SFXN1: variants seen among roughly 807,000 people sequenced by gnomAD.
The protein encoded by SFXN1 is sideroflexin-1.
Under a neutral mutation model 39.5 loss-of-function variants are expected in SFXN1, and 32 were observed. That is an observed-to-expected ratio of 0.81 (90% CI 0.61 to 1.09). The LOEUF is 1.09. Ranked by LOEUF, SFXN1 falls within the 50% of genes least tolerant of loss-of-function variation. The pLI, the probability that SFXN1 is intolerant of heterozygous loss-of-function variation, is 0.00. For missense variants in SFXN1, 402 were observed against 407.1 expected (o/e 0.99, Z 0.11); for synonymous variants, 136 against 146.5 (o/e 0.93, Z 0.52).
At chr5:175,487,888 C>T (rs1759508222) in intron 1 of SFXN1, among the ~76,000 whole-genome samples, 1 of 152,176 alleles carries the variant, frequency 6.6e-6, no homozygotes, top group African/African-American at 2.4e-5. Flanking sequence ...CTTTCTCTCA[C>T]ATCCCACATC....
intron 2 of SFXN1, among the ~76,000 whole-genome samples, chr5:175,508,792 C>T (rs1208478976): frequency 1.3e-5 from 2 of 152,022 alleles, no homozygotes; most frequent in African/African-American, 4.8e-5. Flanking sequence ...CGGGTGCCAC[C>T]GCACCCGGCT....
At chr5:175,492,045 G>T in intron 1 of SFXN1, 50 bp from the exon 2 acceptor site, 1 of 1,413,610 alleles carries the variant, frequency 7.1e-7, no homozygotes, top group Non-Finnish European at 9.6e-7. Flanking sequence ...TTCTAAATAC[G>T]TAGTGACATT....
In SFXN1 at chr5:175,509,156, G is replaced by C; in HGVS notation, c.289G>C (p.Val97Leu). Residue 97 changes from valine (V) to leucine (L), a missense_variant, in exon 3 of 11, where the codon GTT becomes CTT. By Grantham distance (32) the Val-to-Leu change is conservative (BLOSUM62 1). Transcript: ENST00000321442. ...TTTGATAGGAAGAATGTCAGCCCAGGTTCCCATGAACATGACCATCACAGG... is the reference window on the plus strand; with the variant it reads ...TTTGATAGGAAGAATGTCAGCCCAGCTTCCCATGAACATGACCATCACAGG... ...MILIGRMSAQVPMNMTITGCM... is the reference protein window; with the variant it reads ...MILIGRMSAQLPMNMTITGCM... 2 of 1,613,526 alleles carry C rather than the reference G, an allele frequency of 1.2e-6. No homozygotes were observed. Among genetic ancestry groups the C allele is most frequent in the Non-Finnish European group, 1.7e-6 (2 of 1,179,802 alleles).
intron 7 of SFXN1, among the ~76,000 whole-genome samples, chr5:175,514,211 G>T (rs1760640802): frequency 6.6e-6 from 1 of 152,178 alleles, no homozygotes; most frequent in South Asian, 2.1e-4. Context: ...GCAGTGATGG[G>T]CTGGACCAGG....
chr5:175,482,689 C>G (rs1257751563), intron 1 of SFXN1, among the ~76,000 whole-genome samples: 1 of 152,162 alleles, frequency 6.6e-6, no homozygotes, highest in East Asian at 1.9e-4. Context: ...TTTGCTGATC[C>G]TACCAACTCT....
At chr5:175,512,908 T>C (rs1193616324) in intron 6 of SFXN1, among the ~76,000 whole-genome samples, 1 of 152,220 alleles carries the variant, frequency 6.6e-6, no homozygotes, top group African/African-American at 2.4e-5. Context: ...TTGAATCATA[T>C]TGTTCCTGAA....
At chr5:175,499,397 C>A (rs951040880) in intron 2 of SFXN1, among the ~76,000 whole-genome samples, 4 of 152,134 alleles carry the variant, frequency 2.6e-5, no homozygotes, top group African/African-American at 9.7e-5. Context: ...ATGACTAACA[C>A]CCCTCATAAA....
chr5:175,484,605 C>T (rs1270079695), intron 1 of SFXN1, among the ~76,000 whole-genome samples: 5 of 152,244 alleles, frequency 3.3e-5, no homozygotes, highest in African/African-American at 9.6e-5. Context: ...TTAAGGATAC[C>T]AGCATCTCGC....
In SFXN1 at chr5:175,528,670, A is replaced by C. The variant is rs1761147956; in HGVS notation, c.*1936A>C. 1 of 152,162 alleles carries C rather than the reference A, an allele frequency of 6.6e-6. No individual in the cohort carries two copies. The highest frequency in any genetic ancestry group is 1.5e-5 in the Non-Finnish European group (1 of 68,030). 9.4% of individuals were successfully genotyped at this position (152,162 alleles called of 1,614,324 possible). A position where few individuals can be genotyped will look rare whatever the true frequency, so the allele number is the denominator to read the frequency against. ...ATTAATAGATCTGAAGCTTTGGGCC[A>C]CTCAGAGCCTTCCTTGATGCTGCCA... On this transcript the variant is annotated 3_prime_UTR_variant, in exon 11 of 11. Transcript: ENST00000321442.
At chr5:175,514,009 C>A (rs1760632311) in intron 7 of SFXN1, among the ~76,000 whole-genome samples, 1 of 151,924 alleles carries the variant, frequency 6.6e-6, no homozygotes, top group African/African-American at 2.4e-5. Flanking sequence ...GGATGGCAGC[C>A]CTGGCGTTTC....
At chr5:175,511,430 G>C (rs201741121) in intron 4 of SFXN1, 21 bp from the exon 5 acceptor site, 2 of 1,607,844 alleles carry the variant, frequency 1.2e-6, no homozygotes, top group Non-Finnish European at 1.7e-6. Flanking sequence ...TCGTCCACAC[G>C]ATATCCTTTT....
intron 1 of SFXN1, among the ~76,000 whole-genome samples, chr5:175,481,801 AT>A (rs1239179114): frequency 1.3e-5 from 2 of 152,358 alleles, no homozygotes; most frequent in East Asian, 3.9e-4. Context: ...TGGAAATAGA[AT>A]GAATCTAATG....
At chr5:175,503,237 A>G (rs111651679) in intron 2 of SFXN1, among the ~76,000 whole-genome samples, 10,199 of 152,304 alleles carry the variant, frequency 0.067, 467 homozygotes, top group Admixed American at 0.11. Context: ...TTATACCTCA[A>G]TAAAGCTGAT....
At chr5:175,497,097 C>T (rs975930984) in intron 2 of SFXN1, among the ~76,000 whole-genome samples, 25 of 152,134 alleles carry the variant, frequency 1.6e-4, no homozygotes, top group African/African-American at 5.6e-4. Context: ...CCATGTTGGC[C>T]AGGCTGGTTT....
intron 1 of SFXN1, among the ~76,000 whole-genome samples, chr5:175,484,527 C>T (rs542751247): frequency 9.8e-5 from 15 of 152,366 alleles, no homozygotes; most frequent in Non-Finnish European, 1.5e-4. Context: ...CCAAGTGGCC[C>T]GGCCAGCCCT....
At chr5:175,489,037 C>T (rs569045224) in intron 1 of SFXN1, among the ~76,000 whole-genome samples, 284 of 152,218 alleles carry the variant, frequency 1.9e-3, no homozygotes, top group African/African-American at 5.8e-3. Flanking sequence ...CTTTGTTCAC[C>T]GATGCGGCCC....
chr5:175,479,207 TTC>T (rs1659714229), intron 1 of SFXN1, among the ~76,000 whole-genome samples: 1 of 152,236 alleles, frequency 6.6e-6, no homozygotes, highest in African/African-American at 2.4e-5. Flanking sequence ...TTTCACGCTT[TTC>T]TCCTGAACTT....
intron 2 of SFXN1, among the ~76,000 whole-genome samples, chr5:175,504,632 A>G (rs1034505407): frequency 2.0e-5 from 3 of 152,150 alleles, no homozygotes; most frequent in Non-Finnish European, 4.4e-5. Flanking sequence ...AAATTAAAAT[A>G]CAATGAGGGG....
chr5:175,509,305 T>C, intron 3 of SFXN1, 103 bp downstream of exon 3: 1 of 1,151,406 alleles, frequency 8.7e-7, no homozygotes, highest in Non-Finnish European at 1.2e-6. Context: ...ATTTCATAAG[T>C]ATATGAAGTG....
Sources: gnomAD v4.1 joint callset for allele counts (sites outside exome capture counted in the v4.1 genomes callset) on GRCh38, gnomAD v4.1.1 for gene constraint, MANE v1.5 for transcripts, NCBI Gene and HGNC (gene_info 2026-07-23, HGNC 2026-07-21) for gene names.